Variants in STAB2 observed in about 807,000 individuals in gnomAD.
The protein encoded by STAB2 is stabilin 2.
STAB2 carries 288 observed loss-of-function variants against 338.1 expected under a neutral mutation model. The observed-to-expected ratio is 0.85, with a 90% CI of 0.77 to 0.94. The LOEUF (loss-of-function observed/expected upper bound fraction) is 0.94. STAB2 is among the 40% of genes least tolerant of loss of function. STAB2 has a pLI of 0.00. For missense variants in STAB2, 3,141 were observed against 3,210.1 expected, an observed-to-expected ratio of 0.98 and a Z score of 0.52; for synonymous variants, 1,202 against 1,193.3, an observed-to-expected ratio of 1.01 and a Z score of -0.15.
At chr12:103,614,232 T>C (rs1957174457) in intron 3 of STAB2, among the ~76,000 whole-genome samples, 1 of 152,254 alleles carries the variant, frequency 6.6e-6, no homozygotes, top group Non-Finnish European at 1.5e-5. Context: ...AACTTTTTTC[T>C]GTGTCCATTT....
At position 103,713,660 on chromosome 12, in the gene STAB2, A is replaced by T; in HGVS notation, c.4429A>T (p.Ile1477Phe). The change falls in exon 42 of 69, where the codon ATC becomes TTC. Residue 1477 changes from isoleucine (I) to phenylalanine (F), a missense_variant. Coordinates refer to ENST00000388887, the MANE Select transcript of STAB2 (RefSeq NM_017564.10). ...TICTAINACE[I>F]SNGGCSAKAD... ...TTCTATAGCAATCAATGCCTGTGAG[A>T]TCAGCAATGGAGGTTGCTCTGCCAA... 6.2e-7 allele frequency: 1 copy of T among 1,614,014 alleles called. No individual in the cohort carries two copies. The highest frequency in any genetic ancestry group is 8.5e-7 in the Non-Finnish European group (1 of 1,179,914).
intron 26 of STAB2, 93 bp from the exon 27 acceptor site, chr12:103,684,896 T>C: frequency 7.9e-7 from 1 of 1,263,054 alleles, no homozygotes; most frequent in Non-Finnish European, 1.1e-6. Flanking sequence ...AATTTGCAGT[T>C]ATCACCTTAG....
chr12:103,762,402 G>A lies in STAB2; in HGVS notation c.7488G>A (p.Glu2496=), dbSNP rs759645188. ...GAACAATCGGCTTCCAGCATTTTGA[G>A]GTAAGAGAGAAAAATGGGAACATGA... The part of the protein sequence containing the change: ...NRRTIGFQHF[E]SEEDINVAAL... Residue 2496 remains glutamate (E), a splice_region_variant and synonymous_variant, in exon 67 of 69, where the codon GAG becomes GAA. Coordinates refer to ENST00000388887, the MANE Select transcript of STAB2 (RefSeq NM_017564.10). 2 of 1,614,190 alleles carry A rather than the reference G, an allele frequency of 1.2e-6. No individual in the cohort carries two copies. Among genetic ancestry groups the A allele is most frequent in the Non-Finnish European group, 1.7e-6 (2 of 1,180,036 alleles).
intron 5 of STAB2, among the ~76,000 whole-genome samples, chr12:103,623,366 T>C (rs1957332986): frequency 6.6e-6 from 1 of 152,098 alleles, no homozygotes; most frequent in African/African-American, 2.4e-5. Flanking sequence ...GAAGTTAAGG[T>C]AGCAAATAGA....
chr12:103,623,601 AG>A (rs1005025274), intron 5 of STAB2, among the ~76,000 whole-genome samples: 2 of 152,196 alleles, frequency 1.3e-5, no homozygotes, highest in Non-Finnish European at 2.9e-5. Flanking sequence ...GGAAAAGGCA[AG>A]GAAACATGTT....
chr12:103,603,468 G>A (rs1200694334), intron 3 of STAB2, among the ~76,000 whole-genome samples: 1 of 152,172 alleles, frequency 6.6e-6, no homozygotes, highest in African/African-American at 2.4e-5. Flanking sequence ...TTCTTGAAAA[G>A]ATGATCCTCT....
intron 54 of STAB2, 128 bp downstream of exon 54, chr12:103,739,596 A>G (rs993075844): frequency 4.2e-6 from 3 of 712,550 alleles, no homozygotes; most frequent in Non-Finnish European, 6.1e-6. Context: ...TGTTGCATAA[A>G]TGTAATTTAT....
Position 103,755,307 on chromosome 12 carries a change from G to A in STAB2, c.6720G>A (p.Lys2240=), listed in dbSNP as rs769177263. The change falls in exon 62 of 69, where the codon AAG becomes AAA. Residue 2240 remains lysine (K), a synonymous_variant. Transcript: ENST00000388887. ...CCCTGTCTGTATCCCTGCAGGCCAA[G>A]TACCACCTGTGCTCAGCAGGCTGGC... ...YNQLSYAQKA[K]YHLCSAGWLE... The A allele has an allele frequency of 2.5e-6, 4 of 1,613,924 alleles. No homozygotes were observed.
chr12:103,755,997 G>T (rs1196083140), intron 63 of STAB2, among the ~76,000 whole-genome samples: 2 of 152,204 alleles, frequency 1.3e-5, no homozygotes, highest in Non-Finnish European at 2.9e-5. Context: ...GTTAATAGTT[G>T]TGAAGCATTT....
intron 39 of STAB2, 36 bp from the exon 40 acceptor site, chr12:103,711,435 A>G: frequency 6.8e-6 from 11 of 1,613,616 alleles, no homozygotes; most frequent in Non-Finnish European, 9.3e-6. Flanking sequence ...GAGATTTAGT[A>G]AGAGGGCTAA....
Position 103,712,375 on chromosome 12 carries a change from C to A in STAB2, c.4343C>A (p.Thr1448Asn), listed in dbSNP as rs749899654. The change falls in exon 41 of 69, where the codon ACC becomes AAC. Residue 1448 changes from threonine (T) to asparagine (N), a missense_variant. Coordinates refer to ENST00000388887, the MANE Select transcript of STAB2 (RefSeq NM_017564.10). ...GTCHTSANCLTNSDGTASCKC... is the reference protein window; with the variant it reads ...GTCHTSANCLNNSDGTASCKC... ...GTCCTTCCTTGTTGCAGCTGCCTCA[C>A]CAACTCAGATGGTACAGCTTCATGC... The A allele has an allele frequency of 6.2e-7, 1 of 1,613,888 alleles. No individual in the cohort carries two copies. The highest frequency in any genetic ancestry group is 8.5e-7 in the Non-Finnish European group (1 of 1,179,762).
chr12:103,713,129 TAAG>T (rs997882383), intron 41 of STAB2, among the ~76,000 whole-genome samples: 7 of 152,238 alleles, frequency 4.6e-5, no homozygotes, highest in African/African-American at 1.4e-4. Context: ...TTGGGGATAA[TAAG>T]AAGACCTCCC....
rs1877110565 is a variant in STAB2, at chr12:103,683,408, C to A, written c.2901+108C>A. On this transcript the variant is annotated intron_variant, in intron 26 of 68. Coordinates refer to ENST00000388887, the MANE Select transcript of STAB2 (RefSeq NM_017564.10). ...CCTAGTGATGAACAAAATCTCTTACCCCCAAAAGGGAATCTCTAAGCAGAA... is the reference window on the plus strand; with the variant it reads ...CCTAGTGATGAACAAAATCTCTTACACCCAAAAGGGAATCTCTAAGCAGAA... The A allele has an allele frequency of 2.7e-5, 25 of 929,860 alleles. No homozygotes were observed. In the South Asian group the frequency reaches 4.3e-4, roughly 16 times the overall value. The allele number at this position is 929,860 out of a possible 1,614,324, so 57.6% of individuals were successfully genotyped here. A position where few individuals can be genotyped will look rare whatever the true frequency, so the allele number is the denominator to read the frequency against.
Position 103,640,236 on chromosome 12 carries a change from C to T in STAB2, c.1020C>T (p.Thr340=), listed in dbSNP as rs193098116. Residue 340 remains threonine, a synonymous_variant, in exon 9 of 69, where the codon ACC becomes ACT. Coordinates refer to ENST00000388887, the MANE Select transcript of STAB2 (RefSeq NM_017564.10). The stretch of plus-strand genomic sequence containing the variant: ...GTCATAGGAATGCAAATTGCACCAC[C>T]GTCGCACCAGGCCGAACTGAGTAAG... ...NPCHRNANCT[T]VAPGRTECIC... 94 of 1,613,180 alleles carry T rather than the reference C, an allele frequency of 5.8e-5. No homozygotes were observed. In the East Asian group the frequency reaches 1.4e-3, roughly 25 times the overall value.
At chr12:103,658,671 A>G (rs1874373127) in intron 15 of STAB2, among the ~76,000 whole-genome samples, 1 of 152,132 alleles carries the variant, frequency 6.6e-6, no homozygotes, top group African/African-American at 2.4e-5. Context: ...AACCAGGACT[A>G]GATCTCATGT....
chr12:103,734,503 A>G (rs1304162528), intron 51 of STAB2, among the ~76,000 whole-genome samples: 1 of 151,610 alleles, frequency 6.6e-6, no homozygotes, highest in African/African-American at 2.4e-5. Context: ...TCTCATAGGA[A>G]CAAGCATGAT....
chr12:103,597,064 T>C (rs1956887509), intron 3 of STAB2, among the ~76,000 whole-genome samples: 1 of 151,872 alleles, frequency 6.6e-6, no homozygotes, highest in African/African-American at 2.4e-5. Flanking sequence ...AACTGAGGCC[T>C]GGACATTATT....
rs774297311 is a variant in STAB2, at chr12:103,742,474, G to A, written c.5951G>A (p.Gly1984Glu). The stretch of plus-strand genomic sequence containing the variant: ...TGCCTTGATCAGTACTCGGCCACCG[G>A]AGAGTGTAAATGCAACACCGGCTTC... Reference protein sequence around the residue: ...GVCLDQYSATGECKCNTGFNG... With the variant: ...GVCLDQYSATEECKCNTGFNG... The change falls in exon 56 of 69, where the codon GGA becomes GAA. Residue 1984 changes from glycine to glutamate, a missense_variant. Gly to Glu is a moderately conservative substitution (Grantham distance 98, BLOSUM62 -2). Coordinates refer to ENST00000388887, the MANE Select transcript of STAB2 (RefSeq NM_017564.10). 6.2e-7 allele frequency: 1 copy of A among 1,614,132 alleles called. No homozygotes were observed.
intron 45 of STAB2, 103 bp downstream of exon 45, chr12:103,725,197 C>A: frequency 6.7e-7 from 1 of 1,494,430 alleles, no homozygotes; most frequent in Non-Finnish European, 9.0e-7. Flanking sequence ...ATGTAAAGCG[C>A]TATAAAAATA....
Sources: allele counts gnomAD v4.1 joint callset (sites outside exome capture counted in the v4.1 genomes callset), GRCh38; gene constraint gnomAD v4.1.1; transcripts MANE v1.5; gene names NCBI Gene and HGNC (gene_info 2026-07-23, HGNC 2026-07-21).